Variants in CPLX1 observed in about 807,000 individuals in gnomAD.
CPLX1 encodes the protein complexin 1.
In CPLX1, 6 loss-of-function variants were observed where a neutral mutation model predicts 15.6. That is an observed-to-expected ratio of 0.39 (90% CI 0.21 to 0.76). The LOEUF is 0.76. CPLX1 is among the 30% of genes least tolerant of loss of function. CPLX1 has a pLI of 0.43. For synonymous variants in CPLX1, 91 were observed against 75.2 expected, an observed-to-expected ratio of 1.21 and a Z score of -1.08; for missense variants, 242 against 188.6, an observed-to-expected ratio of 1.28 and a Z score of -1.66.
chr4:787,648 G>A (rs189674328), intron 3 of CPLX1: 3 of 977,592 alleles, frequency 3.1e-6, no homozygotes, highest in African/African-American at 3.5e-5. Context: ...GAAGGGGCAG[G>A]GAAGGGCCCT....
At chr4:788,179 G>A in intron 3 of CPLX1, 1 of 985,184 alleles carries the variant, frequency 1.0e-6, no homozygotes, top group Non-Finnish European at 1.2e-6. Context: ...CCTCCCCATA[G>A]AAGCAGTTGG....
At chr4:793,749 C>T (rs910816541) in intron 2 of CPLX1, among the ~76,000 whole-genome samples, 5 of 152,236 alleles carry the variant, frequency 3.3e-5, no homozygotes, top group African/African-American at 9.6e-5. Flanking sequence ...GGCCCCCTCT[C>T]GAGGTGCTCC....
intron 2 of CPLX1, among the ~76,000 whole-genome samples, chr4:805,427 C>T (rs962271656): frequency 3.3e-5 from 5 of 152,146 alleles, no homozygotes; most frequent in Non-Finnish European, 7.4e-5. Context: ...CCCACTCAGA[C>T]GGCTGTTATC....
chr4:792,537 C>T lies in CPLX1; in HGVS notation c.103G>A (p.Glu35Lys). Residue 35 changes from glutamate (E) to lysine (K), a missense_variant, in exon 3 of 4, where the codon GAG becomes AAG. Glu to Lys is a moderately conservative substitution (Grantham distance 56). Transcript: ENST00000304062. ...TGGCGCAGCGCCTCCTGCCGCTCCT[C>T]CTCCTTCTTGGCGGCGTCTGGGTCC... The part of the protein sequence containing the change: ...EKDPDAAKKE[E>K]ERQEALRQAE... 2 of 1,613,560 alleles carry T rather than the reference C, an allele frequency of 1.2e-6. No individual in the cohort carries two copies. The highest frequency in any genetic ancestry group is 1.7e-6 in the Non-Finnish European group (2 of 1,179,764).
intron 2 of CPLX1, among the ~76,000 whole-genome samples, chr4:800,405 C>T (rs183481080): frequency 6.6e-6 from 1 of 151,966 alleles, no homozygotes; most frequent in African/African-American, 2.4e-5. Context: ...GAGGCCAAGG[C>T]GGGCAGATGA....
rs146336316 is a variant in CPLX1, at chr4:815,759, G to A, written c.31+8733C>T. Among the ~76,000 whole-genome samples the A allele has an allele frequency of 2.8e-3, 432 of 152,320 alleles. 1 individual carries two copies. The highest frequency in any genetic ancestry group is 9.9e-3 in the African/African-American group (411 of 41,568). ...TCTCAGCGGCACTTGGAGAAGCACC[G>A]TGAGAGGCTGTTGATACAGTGTTTG... On this transcript the variant is annotated intron_variant, in intron 2 of 3. Coordinates refer to ENST00000304062, the MANE Select transcript of CPLX1 (RefSeq NM_006651.4).
intron 2 of CPLX1, among the ~76,000 whole-genome samples, chr4:803,646 A>T (rs554235899): frequency 6.6e-6 from 1 of 151,696 alleles, no homozygotes; most frequent in East Asian, 1.9e-4. Flanking sequence ...CGGCCTCTCA[A>T]AGCGCTGGGA....
chr4:822,639 C>T (rs1322348144), intron 2 of CPLX1, among the ~76,000 whole-genome samples: 2 of 152,102 alleles, frequency 1.3e-5, no homozygotes, highest in African/African-American at 2.4e-5. Context: ...TCTTTGTGTC[C>T]GGGGCTTGGT....
At chr4:800,446 GC>G (rs1169838386) in intron 2 of CPLX1, among the ~76,000 whole-genome samples, 2 of 151,456 alleles carry the variant, frequency 1.3e-5, no homozygotes, top group Admixed American at 6.6e-5. Flanking sequence ...ACCAGCCTGG[GC>G]AAAATGGGGA....
intron 2 of CPLX1, among the ~76,000 whole-genome samples, chr4:799,950 A>C (rs530980837): frequency 6.6e-6 from 1 of 152,310 alleles, no homozygotes; most frequent in Admixed American, 6.5e-5. Context: ...AATTAAACCC[A>C]AGAGGGGTCG....
chr4:808,243 A>C (rs941834856), intron 2 of CPLX1, among the ~76,000 whole-genome samples: 2 of 149,248 alleles, frequency 1.3e-5, no homozygotes, highest in African/African-American at 5.1e-5. Flanking sequence ...TAAATACATA[A>C]ATAAATAAAT....
intron 2 of CPLX1, among the ~76,000 whole-genome samples, chr4:801,230 G>A (rs933421870): frequency 1.3e-5 from 2 of 151,820 alleles, no homozygotes; most frequent in East Asian, 1.9e-4. Flanking sequence ...GCTGAGGCAG[G>A]AGAATTGCTT....
At chr4:807,715 C>G (rs1343046524) in intron 2 of CPLX1, among the ~76,000 whole-genome samples, 1 of 152,074 alleles carries the variant, frequency 6.6e-6, no homozygotes, top group Non-Finnish European at 1.5e-5. Flanking sequence ...AACTCCTGAC[C>G]TCAGGTGATC....
chr4:819,508 T>G (rs769262237), intron 2 of CPLX1, among the ~76,000 whole-genome samples: 2 of 152,258 alleles, frequency 1.3e-5, no homozygotes, highest in African/African-American at 2.4e-5. Context: ...CATTTTACTG[T>G]TAAGTGTTTG....
intron 2 of CPLX1, among the ~76,000 whole-genome samples, chr4:801,120 C>G (rs1269474822): frequency 6.6e-6 from 1 of 151,390 alleles, no homozygotes; most frequent in African/African-American, 2.4e-5. Flanking sequence ...TGAGAATAGC[C>G]TGGCTAACAT....
chr4:787,861 A>G (rs1746048905), intron 3 of CPLX1: 1 of 985,412 alleles, frequency 1.0e-6, no homozygotes, highest in South Asian at 4.7e-5. Flanking sequence ...CCTGCTGCCC[A>G]GGAAGGTGGG....
intron 2 of CPLX1, chr4:804,802 GGCGGTCGTCA>G (rs1746523114): frequency 1.3e-5 from 13 of 985,456 alleles, no homozygotes; most frequent in Non-Finnish European, 1.6e-5. Flanking sequence ...AGACGGCTCT[GGCGGTCGTCA>G]GCCTGGAGGC....
chr4:815,661 G>C (rs959845222), intron 2 of CPLX1, among the ~76,000 whole-genome samples: 1 of 152,178 alleles, frequency 6.6e-6, no homozygotes, highest in Admixed American at 6.5e-5. Context: ...AGCTTAAGAA[G>C]TCCGTTATTG....
intron 3 of CPLX1, chr4:787,511 C>T (rs1310038166): frequency 1.5e-6 from 1 of 666,708 alleles, no homozygotes; most frequent in African/African-American, 2.0e-5. Flanking sequence ...TGAGGGGCCT[C>T]AAGTCCAGTG....
Sources: gnomAD v4.1 joint callset for allele counts (sites outside exome capture counted in the v4.1 genomes callset) on GRCh38, gnomAD v4.1.1 for gene constraint, MANE v1.5 for transcripts, NCBI Gene and HGNC (gene_info 2026-07-23, HGNC 2026-07-21) for gene names.